The following STX18 variants were observed in gnomAD, a reference collection of about 807,000 sequenced individuals.
STX18 encodes syntaxin-18.
STX18 carries 40 observed loss-of-function variants against 50.1 expected under a neutral mutation model. The ratio of observed to expected loss-of-function variants is 0.80; its 90% CI spans 0.62 to 1.04. The LOEUF is 1.04. Among genes scored for constraint, STX18 ranks in the 50% least tolerant of loss-of-function variants. The probability of loss-of-function intolerance (pLI) is 0.00; values close to 1 mark genes in which losing one functional copy is unlikely to be tolerated. For synonymous variants in STX18, 158 were observed against 151.8 expected (o/e 1.04, Z -0.30); for missense variants, 410 against 415.8 (o/e 0.99, Z 0.12).
At chr4:4,438,373 G>C (rs770952282) in intron 6 of STX18, 21 bp downstream of exon 6, 2 of 1,568,522 alleles carry the variant, frequency 1.3e-6, no homozygotes, top group South Asian at 2.2e-5. Flanking sequence ...TGCAAGGTGA[G>C]ATTTTCATCT....
In STX18 at chr4:4,434,837, T is replaced by A. The variant is rs1212054806; in HGVS notation, c.635A>T (p.Gln212Leu). 2 of 1,601,818 alleles carry A rather than the reference T, an allele frequency of 1.2e-6. No individual in the cohort carries two copies. Among genetic ancestry groups the A allele is most frequent in the African/African-American group, 1.3e-5 (1 of 74,166 alleles). Reference protein sequence around the residue: ...ERPEKILAETQPELGTWGDGK... With the variant: ...ERPEKILAETLPELGTWGDGK... ...ATCTCCCCACGTTCCCAATTCAGGT[T>A]GTGTTTCAGCCAAAATTTTTTCTGT... is the stretch of plus-strand genomic sequence containing the variant. The change falls in exon 7 of 11, where the codon CAA becomes CTA. Residue 212 changes from glutamine to leucine, a missense_variant. Gln to Leu is a moderately radical substitution (Grantham distance 113). Transcript: ENST00000306200.
intron 6 of STX18, among the ~76,000 whole-genome samples, chr4:4,435,353 G>C (rs1425072862): frequency 1.3e-5 from 2 of 152,108 alleles, no homozygotes; most frequent in Non-Finnish European, 2.9e-5. Context: ...AGATGTTACT[G>C]CTTTGATGTA....
intron 5 of STX18, among the ~76,000 whole-genome samples, chr4:4,444,009 T>A (rs1726257566): frequency 1.3e-5 from 2 of 151,836 alleles, no homozygotes; most frequent in South Asian, 4.1e-4. Context: ...GATGAGAGTA[T>A]CTTTGTATAC....
At chr4:4,535,173 T>G (rs56910884) in intron 1 of STX18, among the ~76,000 whole-genome samples, 2,453 of 152,354 alleles carry the variant, frequency 0.016, 71 homozygotes, top group African/African-American at 0.055. Flanking sequence ...CCTAAAGAGA[T>G]TTAGGTATCC....
At chr4:4,526,704 G>C (rs865800487) in intron 1 of STX18, among the ~76,000 whole-genome samples, 1 of 152,098 alleles carries the variant, frequency 6.6e-6, no homozygotes, top group Non-Finnish European at 1.5e-5. Context: ...GCATGGTGGT[G>C]TACATGCATA....
At chr4:4,428,675 G>A (rs1725376869) in intron 7 of STX18, among the ~76,000 whole-genome samples, 1 of 152,096 alleles carries the variant, frequency 6.6e-6, no homozygotes, top group African/African-American at 2.4e-5. Context: ...CACTCTCCCA[G>A]GCACTGGGAA....
intron 1 of STX18, among the ~76,000 whole-genome samples, chr4:4,516,057 A>G (rs1210559264): frequency 6.6e-6 from 1 of 151,864 alleles, no homozygotes; most frequent in Non-Finnish European, 1.5e-5. Context: ...TTAGATATAA[A>G]TTCAACTTTT....
intron 1 of STX18, among the ~76,000 whole-genome samples, chr4:4,480,090 T>G (rs942716242): frequency 6.6e-6 from 1 of 152,230 alleles, no homozygotes; most frequent in Non-Finnish European, 1.5e-5. Flanking sequence ...GCTGTATACA[T>G]ACATAGAGGG....
chr4:4,505,449 G>A (rs1044692031), intron 1 of STX18, among the ~76,000 whole-genome samples: 2 of 152,128 alleles, frequency 1.3e-5, no homozygotes, highest in African/African-American at 2.4e-5. Flanking sequence ...GTGTCATACC[G>A]CACATTGCTA....
chr4:4,423,848 A>G, intron 8 of STX18: 2 of 515,896 alleles, frequency 3.9e-6, no homozygotes, highest in Non-Finnish European at 7.0e-6. Context: ...CAGTCCCAAG[A>G]GGTGGGTGTG....
At chr4:4,531,932 G>C (rs1477984850) in intron 1 of STX18, among the ~76,000 whole-genome samples, 1 of 152,100 alleles carries the variant, frequency 6.6e-6, no homozygotes, top group Non-Finnish European at 1.5e-5. Flanking sequence ...AAAATATACT[G>C]TTTGCTTAAA....
chr4:4,481,906 T>C (rs1728481769), intron 1 of STX18, among the ~76,000 whole-genome samples: 1 of 152,202 alleles, frequency 6.6e-6, no homozygotes, highest in African/African-American at 2.4e-5. Context: ...TGTTCCTTTC[T>C]CGCTTTCTTC....
chr4:4,532,387 T>C (rs571141564), intron 1 of STX18, among the ~76,000 whole-genome samples: 2 of 152,226 alleles, frequency 1.3e-5, no homozygotes, highest in East Asian at 3.9e-4. Flanking sequence ...TATAAAATTA[T>C]ATCACCACTT....
chr4:4,520,888 T>G (rs689484), intron 1 of STX18, among the ~76,000 whole-genome samples: 57,880 of 152,096 alleles, frequency 0.38, 11,045 homozygotes, highest in South Asian at 0.47. Flanking sequence ...TCCACATGTT[T>G]AAGACTTACA....
At chr4:4,456,371 T>A (rs1007206587) in intron 5 of STX18, among the ~76,000 whole-genome samples, 2 of 152,222 alleles carry the variant, frequency 1.3e-5, no homozygotes, top group Non-Finnish European at 2.9e-5. Context: ...CTAGAAATGG[T>A]CCAGGTTTGG....
chr4:4,467,042 T>C (rs1200578429), intron 2 of STX18, among the ~76,000 whole-genome samples: 1 of 152,154 alleles, frequency 6.6e-6, no homozygotes, highest in Non-Finnish European at 1.5e-5. Flanking sequence ...GCCAGTGTCC[T>C]GGTCTGCATG....
chr4:4,473,291 CTTTTT>C (rs565584459), intron 1 of STX18, among the ~76,000 whole-genome samples: 4 of 134,680 alleles, frequency 3.0e-5, no homozygotes, highest in Non-Finnish European at 4.8e-5. Context: ...GGAAATCTGA[CTTTTT>C]TTTTTTTTTT....
At chr4:4,425,078 GC>G (rs954779592) in intron 8 of STX18, 85 bp downstream of exon 8, 6 of 1,275,860 alleles carry the variant, frequency 4.7e-6, no homozygotes, top group Non-Finnish European at 6.8e-6. Context: ...CCATGGGGAT[GC>G]CTGGGCACCA....
At chr4:4,454,545 A>C (rs1726964394) in intron 5 of STX18, among the ~76,000 whole-genome samples, 1 of 152,252 alleles carries the variant, frequency 6.6e-6, no homozygotes, top group East Asian at 1.9e-4. Flanking sequence ...CTTGATGACA[A>C]ATCACGCATC....
Sources: allele counts gnomAD v4.1 joint callset (sites outside exome capture counted in the v4.1 genomes callset), GRCh38; gene constraint gnomAD v4.1.1; transcripts MANE v1.5; gene names NCBI Gene and HGNC (gene_info 2026-07-23, HGNC 2026-07-21).